The following PTPRT variants were observed in gnomAD, a reference collection of about 807,000 sequenced individuals.
The protein encoded by PTPRT is receptor-type tyrosine-protein phosphatase T.
PTPRT carries 56 observed loss-of-function variants against 176.8 expected under a neutral mutation model. The observed-to-expected ratio is 0.32, with a 90% CI of 0.26 to 0.40. PTPRT has a LOEUF of 0.40. Among genes scored for constraint, PTPRT ranks in the 10% least tolerant of loss-of-function variants. The pLI is 1.00. For missense variants in PTPRT, 1,540 were observed against 1,908.2 expected (o/e 0.81, Z 3.60); for synonymous variants, 783 against 739.0 (o/e 1.06, Z -0.96).
intron 14 of PTPRT, among the ~76,000 whole-genome samples, chr20:42,241,616 A>AG (rs1178945370): frequency 4.6e-5 from 7 of 152,118 alleles, no homozygotes; most frequent in Non-Finnish European, 7.4e-5. Flanking sequence ...TGGGGAAGAA[A>AG]GGTCAGCAGT....
At chr20:42,318,853 G>A (rs1179295007) in intron 11 of PTPRT, among the ~76,000 whole-genome samples, 1 of 152,136 alleles carries the variant, frequency 6.6e-6, no homozygotes, top group Non-Finnish European at 1.5e-5. Flanking sequence ...GAGCTTCCCT[G>A]GGACTGAATC....
chr20:43,175,265 T>C (rs1600772369), intron 1 of PTPRT, among the ~76,000 whole-genome samples: 2 of 152,354 alleles, frequency 1.3e-5, no homozygotes, highest in South Asian at 4.1e-4. Context: ...TGTTCAAATG[T>C]CTCCCTGTGT....
chr20:43,051,157 A>G (rs1448878997), intron 1 of PTPRT, among the ~76,000 whole-genome samples: 1 of 152,218 alleles, frequency 6.6e-6, no homozygotes, highest in African/African-American at 2.4e-5. Context: ...AAAGTCTTTG[A>G]GTTCTTGGAT....
At chr20:43,069,021 T>C (rs2011148120) in intron 1 of PTPRT, among the ~76,000 whole-genome samples, 1 of 152,198 alleles carries the variant, frequency 6.6e-6, no homozygotes, top group Non-Finnish European at 1.5e-5. Context: ...AATGAGGTCA[T>C]GCATGCAGAT....
chr20:42,892,334 G>A (rs1404223295), intron 1 of PTPRT, among the ~76,000 whole-genome samples: 1 of 152,162 alleles, frequency 6.6e-6, no homozygotes, highest in East Asian at 1.9e-4. Flanking sequence ...GCCAAGATGT[G>A]AGCCCTAGAC....
chr20:43,078,919 T>C (rs1467571508), intron 1 of PTPRT, among the ~76,000 whole-genome samples: 2 of 152,162 alleles, frequency 1.3e-5, no homozygotes, highest in Non-Finnish European at 2.9e-5. Context: ...ACCATCCTGC[T>C]GCTAGCACCA....
intron 9 of PTPRT, among the ~76,000 whole-genome samples, chr20:42,384,685 C>T (rs1051040589): frequency 6.6e-6 from 1 of 152,140 alleles, no homozygotes; most frequent in African/African-American, 2.4e-5. Flanking sequence ...GAACTCCATA[C>T]TATTTTTTCA....
chr20:43,040,468 G>A (rs918802755), intron 1 of PTPRT, among the ~76,000 whole-genome samples: 81 of 152,094 alleles, frequency 5.3e-4, no homozygotes, highest in Non-Finnish European at 9.4e-4. Flanking sequence ...TAAAATACAC[G>A]AAATTATAAC....
At chr20:43,142,533 T>C (rs1217004533) in intron 1 of PTPRT, among the ~76,000 whole-genome samples, 1 of 152,176 alleles carries the variant, frequency 6.6e-6, no homozygotes, top group East Asian at 1.9e-4. Context: ...TAGGGCCCTA[T>C]TAAGGGCCTG....
At chr20:43,139,989 G>A (rs2013952151) in intron 1 of PTPRT, among the ~76,000 whole-genome samples, 1 of 152,146 alleles carries the variant, frequency 6.6e-6, no homozygotes, top group African/African-American at 2.4e-5. Flanking sequence ...CAGTGAAAAA[G>A]AAATACAAAA....
At chr20:42,400,190 C>T (rs1293427012) in intron 9 of PTPRT, among the ~76,000 whole-genome samples, 7 of 128,614 alleles carry the variant, frequency 5.4e-5, no homozygotes, top group Non-Finnish European at 1.1e-4. Context: ...TAAAACTGAT[C>T]ATTGATTTTT....
Position 42,474,681 on chromosome 20 carries a change from G to A in PTPRT, c.1154-2119C>T, listed in dbSNP as rs954035435. On this transcript the variant is annotated intron_variant, in intron 7 of 30. Coordinates refer to ENST00000373187, the MANE Select transcript of PTPRT (RefSeq NM_007050.6). ...TGGGGATTATGATTGGTGGGATTAC[G>A]GCTGCTGGCTAAACATCTCGCAGTT... is the stretch of plus-strand genomic sequence containing the variant. 6.6e-5 allele frequency among the ~76,000 whole-genome samples: 10 copies of A among 152,260 alleles called. 1 individual carries two copies. Among genetic ancestry groups the A allele is most frequent in the South Asian group, 6.2e-4 (3 of 4,828 alleles).
intron 7 of PTPRT, among the ~76,000 whole-genome samples, chr20:42,648,723 C>T (rs2074962382): frequency 6.6e-6 from 1 of 151,538 alleles, no homozygotes; most frequent in Admixed American, 6.6e-5. Flanking sequence ...TGCAGGTGGG[C>T]ACATCCTGTA....
chr20:42,989,240 C>T (rs924535746), intron 1 of PTPRT, among the ~76,000 whole-genome samples: 1 of 152,376 alleles, frequency 6.6e-6, no homozygotes. Context: ...TCACATTACA[C>T]CAAATCCTTA....
intron 8 of PTPRT, among the ~76,000 whole-genome samples, chr20:42,449,001 T>G (rs913927302): frequency 6.6e-6 from 1 of 152,152 alleles, no homozygotes; most frequent in Non-Finnish European, 1.5e-5. Context: ...GATTTGTATT[T>G]GAGAAATGCA....
chr20:42,765,007 T>C (rs2076963437), intron 5 of PTPRT, among the ~76,000 whole-genome samples: 3 of 152,216 alleles, frequency 2.0e-5, no homozygotes, highest in Admixed American at 6.5e-5. Context: ...AAGACTGATA[T>C]GCCTCCTCAG....
intron 7 of PTPRT, among the ~76,000 whole-genome samples, chr20:42,488,552 G>A (rs547071360): frequency 4.6e-5 from 7 of 152,032 alleles, no homozygotes; most frequent in Non-Finnish European, 7.4e-5. Context: ...TTATAAACTC[G>A]TTGTTCAAAT....
intron 9 of PTPRT, among the ~76,000 whole-genome samples, chr20:42,388,089 C>T (rs1161008169): frequency 6.6e-6 from 1 of 152,064 alleles, no homozygotes; most frequent in South Asian, 2.1e-4. Context: ...ACGCCTGGCC[C>T]AGGGATGCTA....
chr20:42,676,407 C>G (rs2075503420), intron 7 of PTPRT, among the ~76,000 whole-genome samples: 1 of 152,140 alleles, frequency 6.6e-6, no homozygotes, highest in South Asian at 2.1e-4. Context: ...TTCCATGGTT[C>G]CTGTACTGAT....
Sources: allele counts gnomAD v4.1 joint callset (sites outside exome capture counted in the v4.1 genomes callset), GRCh38; gene constraint gnomAD v4.1.1; transcripts MANE v1.5; gene names NCBI Gene and HGNC (gene_info 2026-07-23, HGNC 2026-07-21).